Variants in GPR39 observed in about 807,000 individuals in gnomAD.
GPR39 encodes the protein zinc sensing receptor.
GPR39 carries 23 observed loss-of-function variants against 18.4 expected under a neutral mutation model. The ratio of observed to expected loss-of-function variants is 1.25; its 90% CI spans 0.90 to 1.77. The LOEUF is 1.77. Ranked by LOEUF, GPR39 falls within the 40% of genes most tolerant of loss-of-function variation. The probability of loss-of-function intolerance (pLI) is 0.00; values close to 1 mark genes in which losing one functional copy is unlikely to be tolerated. For synonymous variants in GPR39, 280 were observed against 257.9 expected, an observed-to-expected ratio of 1.09 and a Z score of -0.82; for missense variants, 647 against 602.4, an observed-to-expected ratio of 1.07 and a Z score of -0.78.
intron 1 of GPR39, among the ~76,000 whole-genome samples, chr2:132,586,385 G>C (rs1232028984): frequency 6.6e-6 from 1 of 152,118 alleles, no homozygotes; most frequent in Non-Finnish European, 1.5e-5. Flanking sequence ...TCCAGCTTCT[G>C]AGTTTGGAAA....
At chr2:132,513,094 G>A (rs996922130) in intron 1 of GPR39, among the ~76,000 whole-genome samples, 109 of 152,198 alleles carry the variant, frequency 7.2e-4, no homozygotes, top group African/African-American at 2.5e-3. Context: ...TCAATCACAC[G>A]GCTGCACTAC....
intron 1 of GPR39, among the ~76,000 whole-genome samples, chr2:132,514,421 G>C (rs978846460): frequency 1.3e-5 from 2 of 152,160 alleles, no homozygotes; most frequent in Non-Finnish European, 2.9e-5. Context: ...CTGGAGCAAG[G>C]GATGGTCTGG....
At chr2:132,538,797 C>T (rs749552769) in intron 1 of GPR39, among the ~76,000 whole-genome samples, 1 of 152,234 alleles carries the variant, frequency 6.6e-6, no homozygotes, top group Non-Finnish European at 1.5e-5. Flanking sequence ...ATTCTGGCCA[C>T]AGCTGCTTCG....
chr2:132,644,844 G>A (rs1382204696), intron 1 of GPR39: 11 of 476,262 alleles, frequency 2.3e-5, no homozygotes, highest in Non-Finnish European at 3.3e-5. Flanking sequence ...GACATCAACT[G>A]GTATAAATAC....
chr2:132,549,380 C>G (rs1255318319), intron 1 of GPR39, among the ~76,000 whole-genome samples: 2 of 152,176 alleles, frequency 1.3e-5, no homozygotes, highest in Non-Finnish European at 1.5e-5. Context: ...TCACCATATA[C>G]AGGTTTCCTT....
At chr2:132,524,446 T>C (rs1038299834) in intron 1 of GPR39, among the ~76,000 whole-genome samples, 5 of 152,332 alleles carry the variant, frequency 3.3e-5, no homozygotes, top group Non-Finnish European at 5.9e-5. Flanking sequence ...TCCTCCCATC[T>C]AGCTGTCTCT....
At chr2:132,447,848 A>C (rs1000750908) in intron 1 of GPR39, among the ~76,000 whole-genome samples, 6 of 152,186 alleles carry the variant, frequency 3.9e-5, no homozygotes, top group African/African-American at 1.2e-4. Flanking sequence ...TGACTCTCCA[A>C]ATATCACCAG....
At chr2:132,533,269 C>T (rs1456842333) in intron 1 of GPR39, among the ~76,000 whole-genome samples, 7 of 152,020 alleles carry the variant, frequency 4.6e-5, no homozygotes. Context: ...AATAAAATTC[C>T]TAGGAATCCA....
chr2:132,461,234 C>T (rs114959872), intron 1 of GPR39, among the ~76,000 whole-genome samples: 1,910 of 152,282 alleles, frequency 0.013, 37 homozygotes, highest in African/African-American at 0.043. Context: ...AAACAAGTCT[C>T]AGTCTACAGC....
chr2:132,613,914 GTATGACAGAGTGAT>G (rs1318394429), intron 1 of GPR39, among the ~76,000 whole-genome samples: 1 of 152,188 alleles, frequency 6.6e-6, no homozygotes, highest in Non-Finnish European at 1.5e-5. Context: ...GTTAACAAAA[GTATGACAGAGTGAT>G]TATGTGTATA....
intron 1 of GPR39, among the ~76,000 whole-genome samples, chr2:132,585,505 C>T (rs951382636): frequency 5.3e-5 from 8 of 152,230 alleles, no homozygotes; most frequent in African/African-American, 1.9e-4. Context: ...TGCCCTCGCA[C>T]ACATTTTCCA....
At chr2:132,441,151 G>A (rs1680431152) in intron 1 of GPR39, among the ~76,000 whole-genome samples, 1 of 152,060 alleles carries the variant, frequency 6.6e-6, no homozygotes, top group Admixed American at 6.6e-5. Context: ...TTATATGCCA[G>A]CCTCTGTTCT....
intron 1 of GPR39, among the ~76,000 whole-genome samples, chr2:132,555,407 G>C (rs566535467): frequency 5.2e-4 from 79 of 152,340 alleles, no homozygotes; most frequent in African/African-American, 1.8e-3. Flanking sequence ...TCAGAAGTCA[G>C]TGTGGGCCGC....
chr2:132,479,676 G>C (rs1681195301), intron 1 of GPR39, among the ~76,000 whole-genome samples: 1 of 152,162 alleles, frequency 6.6e-6, no homozygotes, highest in African/African-American at 2.4e-5. Flanking sequence ...TGTTAGGATG[G>C]CTACTATCAA....
chr2:132,440,532 G>A (rs1331322772), intron 1 of GPR39, among the ~76,000 whole-genome samples: 2 of 152,144 alleles, frequency 1.3e-5, no homozygotes, highest in Non-Finnish European at 2.9e-5. Flanking sequence ...AATTGGAAAT[G>A]GCTTTGACAT....
chr2:132,439,875 G>A (rs1680402437), intron 1 of GPR39, among the ~76,000 whole-genome samples: 1 of 152,134 alleles, frequency 6.6e-6, no homozygotes, highest in African/African-American at 2.4e-5. Context: ...AACACCGCTG[G>A]ACTGCTTGTG....
At chr2:132,479,983 T>G (rs544193475) in intron 1 of GPR39, among the ~76,000 whole-genome samples, 17 of 152,252 alleles carry the variant, frequency 1.1e-4, no homozygotes, top group Middle Eastern at 3.4e-3. Flanking sequence ...GTACAGCCAC[T>G]GTGGAAAACA....
intron 1 of GPR39, among the ~76,000 whole-genome samples, chr2:132,553,466 A>T (rs773927644): frequency 1.3e-5 from 2 of 151,966 alleles, no homozygotes; most frequent in African/African-American, 4.8e-5. Context: ...ATGCTGAAAG[A>T]TTCAAAAAGT....
chr2:132,559,205 G>T (rs1680204784), intron 1 of GPR39, among the ~76,000 whole-genome samples: 3 of 152,184 alleles, frequency 2.0e-5, no homozygotes, highest in African/African-American at 7.2e-5. Flanking sequence ...AACTGACCGA[G>T]GTTGGGATCC....
Sources: gnomAD v4.1 joint callset for allele counts (sites outside exome capture counted in the v4.1 genomes callset) on GRCh38, gnomAD v4.1.1 for gene constraint, MANE v1.5 for transcripts, NCBI Gene and HGNC (gene_info 2026-07-23, HGNC 2026-07-21) for gene names.